The following EFHD1 variants were observed in gnomAD, a reference collection of about 807,000 sequenced individuals.
EFHD1 encodes EF-hand domain-containing protein D1.
EFHD1 carries 10 observed loss-of-function variants against 17.2 expected under a neutral mutation model. The ratio of observed to expected loss-of-function variants is 0.58; its 90% CI spans 0.36 to 0.99. EFHD1 has a LOEUF of 0.99. EFHD1 is among the 50% of genes least tolerant of loss of function. EFHD1 has a pLI of 0.01. For missense variants in EFHD1, 310 were observed against 327.5 expected (o/e 0.95, Z 0.41); for synonymous variants, 153 against 142.0 (o/e 1.08, Z -0.55).
chr2:232,648,945 T>TG (rs1428128665), intron 1 of EFHD1, among the ~76,000 whole-genome samples: 1 of 152,162 alleles, frequency 6.6e-6, no homozygotes, highest in African/African-American at 2.4e-5. Flanking sequence ...AGGCGTGTTC[T>TG]GGGGCACTGC....
intron 1 of EFHD1, among the ~76,000 whole-genome samples, chr2:232,652,182 C>G (rs963818118): frequency 1.1e-4 from 16 of 152,244 alleles, no homozygotes; most frequent in Non-Finnish European, 2.2e-4. Flanking sequence ...ATCAGCATTC[C>G]TCTTGGCGAA....
intron 3 of EFHD1, among the ~76,000 whole-genome samples, chr2:232,678,204 G>A (rs1695211993): frequency 1.3e-5 from 2 of 151,506 alleles, no homozygotes; most frequent in Non-Finnish European, 2.9e-5. Flanking sequence ...TTGAACCTGG[G>A]AAGTGGAGCT....
rs1011450523 is a variant in EFHD1 at position 232,633,722 on chromosome 2, G to A, written c.18G>A (p.Leu6=). MASEE[L]ACKLERRLRR... ...CCGCCGCCATGGCCAGTGAGGAGCT[G>A]GCGTGCAAGCTGGAGCGCCGGCTGC... Residue 6 remains leucine (L), a synonymous_variant, in exon 1 of 4, where the codon CTG becomes CTA. Coordinates refer to ENST00000264059, the MANE Select transcript of EFHD1 (RefSeq NM_025202.4). The A allele has an allele frequency of 4.1e-6, 6 of 1,466,708 alleles. No homozygotes were observed. In the African/African-American group the frequency reaches 8.8e-5, roughly 22 times the overall value. The allele number at this position is 1,466,708 out of a possible 1,614,324, so 90.9% of individuals were successfully genotyped here.
intron 1 of EFHD1, among the ~76,000 whole-genome samples, chr2:232,656,746 C>T (rs1694769140): frequency 6.6e-6 from 1 of 152,012 alleles, no homozygotes; most frequent in Admixed American, 6.6e-5. Context: ...CAGTACCTTG[C>T]ATTTTTTAAA....
In EFHD1 at chr2:232,681,833, C is replaced by T. The variant is rs1028328859; in HGVS notation, c.*114C>T. On this transcript the variant is annotated 3_prime_UTR_variant, in exon 4 of 4. Coordinates refer to ENST00000264059, the MANE Select transcript of EFHD1 (RefSeq NM_025202.4). ...CCCTCCCTGAGCCAGCATCTCCATC[C>T]ACCACCCCGTGCCAGCTCCCGTGCC... 3.2e-5 allele frequency: 46 copies of T among 1,438,274 alleles called. No homozygotes were observed. In the African/African-American group the frequency reaches 5.0e-4, roughly 16 times the overall value. The allele number at this position is 1,438,274 out of a possible 1,614,324, so 89.1% of individuals were successfully genotyped here.
chr2:232,655,802 C>CTTTT (rs66762860), intron 1 of EFHD1, among the ~76,000 whole-genome samples: 20 of 133,294 alleles, frequency 1.5e-4, no homozygotes, highest in African/African-American at 4.1e-4. Context: ...TGTGTGGGGT[C>CTTTT]TTTTTTTTTT....
chr2:232,666,677 C>T (rs547406982), intron 2 of EFHD1, among the ~76,000 whole-genome samples: 150 of 152,330 alleles, frequency 9.8e-4, no homozygotes, highest in Non-Finnish European at 1.5e-3. Flanking sequence ...GATTGGTTTG[C>T]ACCCCCGTTC....
At position 232,619,983 on chromosome 2, in the gene EFHD1, G is replaced by A. The variant is rs868571037; in HGVS notation, c.14+13810G>A. 5.3e-5 allele frequency among the ~76,000 whole-genome samples: 8 copies of A among 151,984 alleles called. No homozygotes were observed. The South Asian group carries it at 8.3e-4, about 16-fold the overall frequency. On this transcript the variant is annotated intron_variant, in intron 1 of 3. Coordinates refer to the EFHD1 transcript ENST00000409613. ...GTATGAGCCACTATCGTATCAGCAG[G>A]GTCTCACTCCAGATGTGGCTAATAC... is the stretch of plus-strand genomic sequence containing the variant.
intron 3 of EFHD1, among the ~76,000 whole-genome samples, chr2:232,677,949 GA>G (rs1695208102): frequency 6.6e-6 from 1 of 152,038 alleles, no homozygotes; most frequent in South Asian, 2.1e-4. Context: ...ATATCAATTA[GA>G]AAAAAGAATT....
intron 1 of EFHD1, among the ~76,000 whole-genome samples, chr2:232,609,984 T>C (rs976981709): frequency 1.1e-4 from 17 of 152,084 alleles, no homozygotes; most frequent in African/African-American, 4.1e-4. Context: ...AGGGGCAGCG[T>C]CCCCAAAACA....
At chr2:232,645,150 A>G (rs933466225) in intron 1 of EFHD1, among the ~76,000 whole-genome samples, 2 of 151,892 alleles carry the variant, frequency 1.3e-5, no homozygotes, top group Non-Finnish European at 1.5e-5. Flanking sequence ...ATGAAGGGAA[A>G]TTCTTTGGTT....
chr2:232,649,165 C>T (rs116704040), intron 1 of EFHD1, among the ~76,000 whole-genome samples: 1,852 of 152,304 alleles, frequency 0.012, 50 homozygotes, highest in African/African-American at 0.042. Flanking sequence ...ACCGGGAGGA[C>T]GCCGGAGACC....
At chr2:232,630,500 C>G (rs1008699239), upstream of EFHD1, among the ~76,000 whole-genome samples, 4 of 152,310 alleles carry the variant, frequency 2.6e-5, no homozygotes, top group African/African-American at 4.8e-5. Flanking sequence ...GGACACAGCC[C>G]TCAATCTTTG....
intron 1 of EFHD1, among the ~76,000 whole-genome samples, chr2:232,649,309 G>A (rs1405137870): frequency 6.6e-6 from 1 of 152,170 alleles, no homozygotes; most frequent in African/African-American, 2.4e-5. Flanking sequence ...ATGGTCAAGC[G>A]GCCCACACAG....
chr2:232,666,167 A>T (rs1415825723), intron 2 of EFHD1, among the ~76,000 whole-genome samples: 1 of 152,142 alleles, frequency 6.6e-6, no homozygotes, highest in Non-Finnish European at 1.5e-5. Flanking sequence ...GCTGAACCTG[A>T]GATACGATTC....
intron 1 of EFHD1, among the ~76,000 whole-genome samples, chr2:232,639,350 C>T (rs553373292): frequency 6.6e-6 from 1 of 151,902 alleles, no homozygotes; most frequent in Non-Finnish European, 1.5e-5. Flanking sequence ...GTCCAGGAGA[C>T]TTTAACTTTT....
intron 1 of EFHD1, among the ~76,000 whole-genome samples, chr2:232,646,044 C>A (rs1694520571): frequency 6.6e-6 from 1 of 152,176 alleles, no homozygotes. Context: ...CCTATTGGAC[C>A]ACCTGCCCTG....
intron 3 of EFHD1, among the ~76,000 whole-genome samples, chr2:232,678,815 A>G (rs965047406): frequency 2.0e-5 from 3 of 152,180 alleles, no homozygotes; most frequent in African/African-American, 7.2e-5. Flanking sequence ...AGAAAAAGAA[A>G]CATCTCTTTC....
chr2:232,643,470 C>T (rs1024518698), intron 1 of EFHD1, among the ~76,000 whole-genome samples: 36 of 149,906 alleles, frequency 2.4e-4, no homozygotes, highest in African/African-American at 3.7e-4. Context: ...TGAAGTGGTA[C>T]GATCATGGCT....
Sources: allele counts gnomAD v4.1 joint callset (sites outside exome capture counted in the v4.1 genomes callset), GRCh38; gene constraint gnomAD v4.1.1; transcripts MANE v1.5; gene names NCBI Gene and HGNC (gene_info 2026-07-23, HGNC 2026-07-21).